KCNE1: variants seen among roughly 807,000 people sequenced by gnomAD.
The protein encoded by KCNE1 is potassium voltage-gated channel subfamily E regulatory subunit 1.
A neutral mutation model predicts 2.9 loss-of-function variants in KCNE1; 1 was observed. That is an observed-to-expected ratio of 0.34 (90% CI 0.12 to 1.62). KCNE1 has a LOEUF of 1.62. KCNE1 is among the 40% of genes most tolerant of loss of function. The probability of loss-of-function intolerance (pLI) is 0.36; values close to 1 mark genes in which losing one functional copy is unlikely to be tolerated. For missense variants in KCNE1, 45 were observed against 150.5 expected (o/e 0.30, Z 3.67); for synonymous variants, 23 against 65.4 (o/e 0.35, Z 3.13).
chr21:34,508,806 C>T (rs1458389995), intron 2 of KCNE1, among the ~76,000 whole-genome samples: 1 of 152,216 alleles, frequency 6.6e-6, no homozygotes, highest in Non-Finnish European at 1.5e-5. Flanking sequence ...TTGATATGTT[C>T]ACCCAAGTGT....
chr21:34,509,297 C>A (rs550289448), intron 2 of KCNE1, among the ~76,000 whole-genome samples: 4 of 152,344 alleles, frequency 2.6e-5, no homozygotes, highest in African/African-American at 9.6e-5. Flanking sequence ...ATCCTCAGCT[C>A]CTAGAGGCTG....
At chr21:34,499,113 G>C (rs1378971045) in intron 2 of KCNE1, among the ~76,000 whole-genome samples, 2 of 152,162 alleles carry the variant, frequency 1.3e-5, no homozygotes, top group Non-Finnish European at 2.9e-5. Flanking sequence ...AGGCCAATGG[G>C]GCTATGTTCC....
chr21:34,446,763 C>T lies in KCNE1; in HGVS notation c.*2482G>A, dbSNP rs1980669978. On this transcript the variant is annotated 3_prime_UTR_variant, in exon 4 of 4. Coordinates refer to ENST00000399286, the MANE Select transcript of KCNE1 (RefSeq NM_000219.6). ...GCATTGTTGTCCTAGCTAATGAATG[C>T]ATAGAGTATTGCCTGCAAAATAATA... is the stretch of plus-strand genomic sequence containing the variant. 2.4e-5 allele frequency: 2 copies of T among 82,690 alleles called. 1 individual carries two copies. The highest frequency in any genetic ancestry group is 5.4e-5 in the Non-Finnish European group (2 of 37,030). 5.1% of individuals were successfully genotyped at this position (82,690 alleles called of 1,614,324 possible). A position where few individuals can be genotyped will look rare whatever the true frequency, so the allele number is the denominator to read the frequency against.
intron 2 of KCNE1, among the ~76,000 whole-genome samples, chr21:34,506,115 A>G (rs1983471758): frequency 6.6e-6 from 1 of 152,228 alleles, no homozygotes. Context: ...CTTGGGAATG[A>G]AGTGCTATTG....
chr21:34,507,276 G>C (rs1349382724), intron 2 of KCNE1, among the ~76,000 whole-genome samples: 1 of 152,170 alleles, frequency 6.6e-6, no homozygotes, highest in Admixed American at 6.5e-5. Flanking sequence ...GCCAGGACTT[G>C]AGAGTGGCTG....
At chr21:34,451,707 T>TCTCAGAGTTCTGTTACCTGC (rs1981315408) in intron 3 of KCNE1, among the ~76,000 whole-genome samples, 1 of 66,140 alleles carries the variant, frequency 1.5e-5, no homozygotes, top group Non-Finnish European at 2.9e-5. Context: ...ACTCTGGCTG[T>TCTCAGAGTTCTGTTACCTGC]GTCTCAGAGT....
At chr21:34,502,456 A>G (rs755131992) in intron 2 of KCNE1, among the ~76,000 whole-genome samples, 125 of 152,244 alleles carry the variant, frequency 8.2e-4, no homozygotes, top group Non-Finnish European at 2.8e-4. Flanking sequence ...GACACCAATC[A>G]GGAATAAAAG....
At chr21:34,495,543 T>G (rs1358140505) in intron 2 of KCNE1, among the ~76,000 whole-genome samples, 1 of 109,618 alleles carries the variant, frequency 9.1e-6, no homozygotes, top group Non-Finnish European at 1.9e-5. Context: ...TGTATTATTG[T>G]TTTTATCTTG....
intron 2 of KCNE1, 189 bp downstream of exon 2, chr21:34,510,912 G>C (rs1402081848): frequency 6.5e-6 from 1 of 154,162 alleles, no homozygotes; most frequent in Non-Finnish European, 1.4e-5. Flanking sequence ...GCCCGGCCCT[G>C]CCCCTGGGAG....
At position 34,511,321 on chromosome 21, in the gene KCNE1, G is replaced by A; in HGVS notation, c.-376-6C>T. 1.0e-6 allele frequency: 1 copy of A among 985,606 alleles called. No homozygotes were observed. The highest frequency in any genetic ancestry group is 1.2e-6 in the Non-Finnish European group (1 of 830,042). 61.1% of individuals were successfully genotyped at this position (985,606 alleles called of 1,614,324 possible). ...GCTTGTCTGTTTGGTGGTTGCTAAG[G>A]TTTGAAAAAAGCCAGCTGGAAACTT... On this transcript the variant is annotated splice_polypyrimidine_tract_variant and splice_region_variant and intron_variant, in intron 1 of 3. Transcript: ENST00000399286.
chr21:34,500,658 T>G (rs1478206596), intron 2 of KCNE1, among the ~76,000 whole-genome samples: 1 of 152,234 alleles, frequency 6.6e-6, no homozygotes, highest in Non-Finnish European at 1.5e-5. Flanking sequence ...ATCTTTCCAG[T>G]GTTTCTTTAC....
chr21:34,511,359 A>G, intron 1 of KCNE1, 44 bp from the exon 2 acceptor site: 1 of 956,560 alleles, frequency 1.0e-6, no homozygotes, highest in Non-Finnish European at 1.2e-6. Flanking sequence ...TCCCCAAAGC[A>G]ACAGTGTTGG....
intron 1 of KCNE1, among the ~76,000 whole-genome samples, chr21:34,511,644 A>AG (rs982950238): frequency 3.3e-5 from 5 of 152,212 alleles, no homozygotes; most frequent in African/African-American, 1.2e-4. Context: ...GTGCTGTACC[A>AG]GGGCCCTCTT....
chr21:34,511,847 G>T (rs180907668), intron 1 of KCNE1, among the ~76,000 whole-genome samples, 180 bp downstream of exon 1: 1 of 152,332 alleles, frequency 6.6e-6, no homozygotes, highest in East Asian at 1.9e-4. Context: ...TTCTCCATGT[G>T]CTTCTGCAGT....
intron 2 of KCNE1, among the ~76,000 whole-genome samples, chr21:34,498,180 C>G (rs1350487704): frequency 6.6e-6 from 1 of 152,142 alleles, no homozygotes; most frequent in Non-Finnish European, 1.5e-5. Flanking sequence ...AATTCTTTAT[C>G]TGGCAATTTA....
At chr21:34,509,877 C>T (rs1983734042) in intron 2 of KCNE1, 1 of 152,126 alleles carries the variant, frequency 6.6e-6, no homozygotes, top group South Asian at 2.1e-4. Context: ...AACCTAGTAC[C>T]CAGTAGTTAT....
chr21:34,499,318 T>C (rs987165463), intron 2 of KCNE1, among the ~76,000 whole-genome samples: 1 of 152,244 alleles, frequency 6.6e-6, no homozygotes, highest in East Asian at 1.9e-4. Context: ...TAAGCTTCCC[T>C]GCTGAGAAAG....
chr21:34,511,406 GC>G, intron 1 of KCNE1, 91 bp from the exon 2 acceptor site: 3 of 505,264 alleles, frequency 5.9e-6, no homozygotes, highest in Non-Finnish European at 7.7e-6. Context: ...AGTCATGAGG[GC>G]TCCACCCTTA....
At position 34,452,983 on chromosome 21, in the gene KCNE1, G is replaced by A. The variant is rs141763265; in HGVS notation, c.-50-3299C>T. ...TGACCATGGCAGCTGTCTTCTCTACGTTGTGGAGAGATCAGACATGAATGA... is the reference window on the plus strand; with the variant it reads ...TGACCATGGCAGCTGTCTTCTCTACATTGTGGAGAGATCAGACATGAATGA... On this transcript the variant is annotated intron_variant, in intron 3 of 3. Transcript: ENST00000399286. Among the ~76,000 whole-genome samples, 23 of 55,732 alleles carry A rather than the reference G, an allele frequency of 4.1e-4. 10 individuals are homozygous for A. Among genetic ancestry groups the A allele is most frequent in the Middle Eastern group, 7.6e-3 (1 of 132 alleles). 36.6% of individuals were successfully genotyped at this position (55,732 alleles called of 152,430 possible).
Sources: allele counts gnomAD v4.1 joint callset (sites outside exome capture counted in the v4.1 genomes callset), GRCh38; gene constraint gnomAD v4.1.1; transcripts MANE v1.5; gene names NCBI Gene and HGNC (gene_info 2026-07-23, HGNC 2026-07-21).